MAP2: variants seen among roughly 807,000 people sequenced by gnomAD.
The protein encoded by MAP2 is microtubule associated protein 2.
Under a neutral mutation model 137.6 loss-of-function variants are expected in MAP2, and 14 were observed. The ratio of observed to expected loss-of-function variants is 0.10; its 90% confidence interval spans 0.07 to 0.16. MAP2 has a LOEUF of 0.16. MAP2 is among the 10% of genes least tolerant of loss of function. The probability of loss-of-function intolerance (pLI) is 1.00; values close to 1 mark genes in which losing one functional copy is unlikely to be tolerated. For synonymous variants in MAP2, 786 were observed against 782.3 expected (o/e 1.00, Z -0.08); for missense variants, 2,088 against 2,191.5 (o/e 0.95, Z 0.94).
chr2:209,728,434 T>A (rs2074885117), intron 14 of MAP2, among the ~76,000 whole-genome samples: 2 of 152,316 alleles, frequency 1.3e-5, no homozygotes, highest in South Asian at 4.1e-4. Context: ...CAGGGAAGGA[T>A]AACTACATCT....
chr2:209,670,675 A>C (rs1029911934), intron 5 of MAP2, among the ~76,000 whole-genome samples: 1 of 151,898 alleles, frequency 6.6e-6, no homozygotes, highest in East Asian at 1.9e-4. Flanking sequence ...GGTAGAGGAA[A>C]AAAAAGAGCA....
intron 2 of MAP2, among the ~76,000 whole-genome samples, chr2:209,541,311 T>C (rs912978736): frequency 6.6e-6 from 1 of 151,308 alleles, no homozygotes; most frequent in Admixed American, 6.6e-5. Context: ...ATTACAGTCA[T>C]GAGCCACCCG....
Position 209,653,407 on chromosome 2 carries a change from G to C in MAP2, c.237G>C (p.Leu79=). ...AAGAGAATGGGATCAACGGAGAGCTGACCTCAGCTGACAGAGAAACAGCAG... is the reference window on the plus strand; with the variant it reads ...AAGAGAATGGGATCAACGGAGAGCTCACCTCAGCTGACAGAGAAACAGCAG... The part of the protein sequence containing the change: ...NTKENGINGE[L]TSADRETAEE... Residue 79 remains leucine, a synonymous_variant, in exon 5 of 16, where the codon CTG becomes CTC. Coordinates refer to ENST00000682079, the MANE Select transcript of MAP2 (RefSeq NM_001375505.1). 6.2e-7 allele frequency: 1 copy of C among 1,603,900 alleles called. No homozygotes were observed.
intron 1 of MAP2, among the ~76,000 whole-genome samples, chr2:209,455,347 T>C (rs1395177692): frequency 6.6e-6 from 1 of 152,200 alleles, no homozygotes; most frequent in African/African-American, 2.4e-5. Context: ...TTTGATCTTA[T>C]TTTGTCTTTA....
At chr2:209,558,839 G>A (rs188123875) in intron 2 of MAP2, among the ~76,000 whole-genome samples, 4 of 151,748 alleles carry the variant, frequency 2.6e-5, no homozygotes, top group East Asian at 3.9e-4. Context: ...GTCTCCCATC[G>A]TGGAAGTTCT....
chr2:209,659,763 G>A (rs946124364), intron 5 of MAP2, among the ~76,000 whole-genome samples: 1 of 152,106 alleles, frequency 6.6e-6, no homozygotes, highest in South Asian at 2.1e-4. Flanking sequence ...CACAGACCGG[G>A]CGTGGTGGCT....
Position 209,731,852 on chromosome 2 carries a change from T to A in MAP2, c.*1455T>A, listed in dbSNP as rs1415088815. 6.6e-6 allele frequency: 1 copy of A among 152,132 alleles called. No homozygotes were observed. The highest frequency in any genetic ancestry group is 2.4e-5 in the African/African-American group (1 of 41,432). 9.4% of individuals were successfully genotyped at this position (152,132 alleles called of 1,614,324 possible). ...GACACAGATATCTAAATCAGTTTTTTTCCAAGACTCCAACATTGCACTCTG... is the reference window on the plus strand; with the variant it reads ...GACACAGATATCTAAATCAGTTTTTATCCAAGACTCCAACATTGCACTCTG... On this transcript the variant is annotated 3_prime_UTR_variant, in exon 16 of 16. Coordinates refer to ENST00000682079, the MANE Select transcript of MAP2 (RefSeq NM_001375505.1).
intron 2 of MAP2, among the ~76,000 whole-genome samples, chr2:209,521,312 T>A (rs1169944818): frequency 6.6e-6 from 1 of 152,038 alleles, no homozygotes; most frequent in Non-Finnish European, 1.5e-5. Flanking sequence ...TAATGTATCA[T>A]TTCCTAAATG....
At chr2:209,544,280 T>TTGTTTTG (rs1230351021) in intron 2 of MAP2, among the ~76,000 whole-genome samples, 1 of 152,006 alleles carries the variant, frequency 6.6e-6, no homozygotes, top group Non-Finnish European at 1.5e-5. Flanking sequence ...AGTTTTTGTT[T>TTGTTTTG]TGTTTTGTTT....
chr2:209,555,471 G>A (rs910602754), intron 2 of MAP2, among the ~76,000 whole-genome samples: 2 of 151,970 alleles, frequency 1.3e-5, no homozygotes, highest in African/African-American at 4.8e-5. Flanking sequence ...GACCCGGATG[G>A]GACTGTTTAT....
At chr2:209,721,959 G>A (rs976567976) in intron 13 of MAP2, 1 of 152,114 alleles carries the variant, frequency 6.6e-6, no homozygotes, top group African/African-American at 2.4e-5. Context: ...AATCAAGCCC[G>A]ATCCTGCTTA....
At chr2:209,521,883 G>A (rs772085081) in intron 2 of MAP2, among the ~76,000 whole-genome samples, 11 of 152,044 alleles carry the variant, frequency 7.2e-5, no homozygotes, top group Non-Finnish European at 1.6e-4. Flanking sequence ...TAAATACATA[G>A]CAGTGTAGTT....
chr2:209,467,413 T>C (rs1329293808), intron 1 of MAP2, among the ~76,000 whole-genome samples: 1 of 152,140 alleles, frequency 6.6e-6, no homozygotes, highest in Non-Finnish European at 1.5e-5. Flanking sequence ...TCCAACAACA[T>C]ACCATTGAGG....
intron 1 of MAP2, among the ~76,000 whole-genome samples, chr2:209,436,090 T>A (rs1696197354): frequency 6.8e-6 from 1 of 147,808 alleles, no homozygotes; most frequent in African/African-American, 2.5e-5. Flanking sequence ...TCTATTTAAT[T>A]CCTTCTAATT....
At chr2:209,711,565 T>A (rs1029842597) in intron 13 of MAP2, among the ~76,000 whole-genome samples, 2 of 152,128 alleles carry the variant, frequency 1.3e-5, no homozygotes, top group Admixed American at 1.3e-4. Flanking sequence ...AACTAGAAGC[T>A]ACAAGAAACA....
chr2:209,518,512 A>G (rs375049255), intron 2 of MAP2, among the ~76,000 whole-genome samples: 51 of 152,230 alleles, frequency 3.4e-4, no homozygotes, highest in Non-Finnish European at 4.7e-4. Flanking sequence ...AGAAGTTGAG[A>G]AACCTGAACA....
chr2:209,613,356 T>C (rs2087724824), intron 3 of MAP2, among the ~76,000 whole-genome samples: 1 of 152,044 alleles, frequency 6.6e-6, no homozygotes, highest in South Asian at 2.1e-4. Context: ...CATTAGGAAA[T>C]AGAATGAATG....
At chr2:209,503,913 A>G (rs1025896839) in intron 1 of MAP2, among the ~76,000 whole-genome samples, 1 of 152,072 alleles carries the variant, frequency 6.6e-6, no homozygotes, top group Non-Finnish European at 1.5e-5. Context: ...ATCATGCTGT[A>G]TTGAAACCCC....
intron 4 of MAP2, among the ~76,000 whole-genome samples, chr2:209,641,626 C>T (rs1227731630): frequency 6.7e-6 from 1 of 150,250 alleles, no homozygotes; most frequent in Non-Finnish European, 1.5e-5. Context: ...TTACTTATTC[C>T]ACAATATCTC....
Sources: gnomAD v4.1 joint callset for allele counts (sites outside exome capture counted in the v4.1 genomes callset) on GRCh38, gnomAD v4.1.1 for gene constraint, MANE v1.5 for transcripts, NCBI Gene and HGNC (gene_info 2026-07-23, HGNC 2026-07-21) for gene names.